The following SLC4A11 variants were observed in gnomAD, a reference collection of about 807,000 sequenced individuals.
SLC4A11 encodes solute carrier family 4 member 11.
SLC4A11 carries 74 observed loss-of-function variants against 95.0 expected under a neutral mutation model. The observed-to-expected ratio is 0.78, with a 90% CI of 0.65 to 0.95. The LOEUF (loss-of-function observed/expected upper bound fraction) is 0.95, where lower values mean the gene tolerates loss of function less well. SLC4A11 is among the 40% of genes least tolerant of loss of function. The probability of loss-of-function intolerance (pLI) is 0.00; values close to 1 mark genes in which losing one functional copy is unlikely to be tolerated. For synonymous variants in SLC4A11, 548 were observed against 519.0 expected, an observed-to-expected ratio of 1.06 and a Z score of -0.76; for missense variants, 1,081 against 1,192.4, an observed-to-expected ratio of 0.91 and a Z score of 1.38.
chr20:3,231,242 G>T lies in SLC4A11; in HGVS notation c.949C>A (p.Pro317Thr), dbSNP rs546282306. Residue 317 changes from proline (P) to threonine (T), a missense_variant and splice_region_variant, in exon 9 of 20, where the codon CCC becomes ACC. This residue lies in a region of SLC4A11 where 767 missense variants were observed against 858.0 expected (regional missense o/e 0.89). Coordinates refer to ENST00000642402, the MANE Select transcript of SLC4A11 (RefSeq NM_001174089.2). The surrounding 1 kb of genome is among the most constrained non-coding windows in gnomAD (Gnocchi z 5.2). ...GGGACAAAGTCCTTGCACTTTGGGGGCTGGAGGAGAGGACAGAGCGCCTGT... is the reference window on the plus strand; with the variant it reads ...GGGACAAAGTCCTTGCACTTTGGGGTCTGGAGGAGAGGACAGAGCGCCTGT... Reference protein sequence around the residue: ...VSLPAHRHPEPPKCKDFVPFG... With the variant: ...VSLPAHRHPETPKCKDFVPFG... The T allele has an allele frequency of 1.9e-6, 3 of 1,613,800 alleles. No homozygotes were observed. Among genetic ancestry groups the T allele is most frequent in the Non-Finnish European group, 2.5e-6 (3 of 1,180,022 alleles).
At chr20:3,238,864 G>A (rs1459990687) in intron 1 of SLC4A11, 3 of 1,221,384 alleles carry the variant, frequency 2.5e-6, no homozygotes, top group African/African-American at 1.6e-5. Context: ...AATTCAAGAC[G>A]GCGACAGCAG....
intron 2 of SLC4A11, among the ~76,000 whole-genome samples, chr20:3,236,446 G>A (rs1250823269): frequency 5.3e-5 from 8 of 152,114 alleles, no homozygotes; most frequent in Admixed American, 3.3e-4. Flanking sequence ...GAAATTAGCC[G>A]GGTGTGGTGG....
In SLC4A11 at chr20:3,231,721, C is replaced by G. The variant is rs142264530; in HGVS notation, c.730-173G>C. Reference sequence around the variant, plus strand: ...CAGGCTGAGTGCAGTGGCACACTCACGGCTTATCGTAGCCTCGACCTCCCG... The same window carrying G: ...CAGGCTGAGTGCAGTGGCACACTCAGGGCTTATCGTAGCCTCGACCTCCCG... On this transcript the variant is annotated intron_variant, in intron 7 of 19. Transcript: ENST00000642402. This position sits in a 1 kb window ranked among gnomAD's most constrained non-coding sequence, Gnocchi z 5.2. 6.6e-6 allele frequency among the ~76,000 whole-genome samples: 1 copy of G among 152,182 alleles called. No homozygotes were observed. Among genetic ancestry groups the G allele is most frequent in the South Asian group, 2.1e-4 (1 of 4,830 alleles).
In SLC4A11 at chr20:3,231,084, G is replaced by A. The variant is rs769196943; in HGVS notation, c.1043-26C>T. ...CTAGGAATGGGGGATGGGAGAGAGG[G>A]TTTGCTGGGGATGCAGGACAGGCAC... On this transcript the variant is annotated intron_variant, in intron 9 of 19. Coordinates refer to ENST00000642402, the MANE Select transcript of SLC4A11 (RefSeq NM_001174089.2). This position sits in a 1 kb window ranked among gnomAD's most constrained non-coding sequence, Gnocchi z 5.2. 1.2e-5 allele frequency: 19 copies of A among 1,613,688 alleles called. No homozygotes were observed. Among genetic ancestry groups the A allele is most frequent in the Non-Finnish European group, 1.6e-5 (19 of 1,180,002 alleles).
rs914870481 is a variant in SLC4A11 at position 3,231,782 on chromosome 20, A to G, written c.730-234T>C. Among the ~76,000 whole-genome samples, 2 of 152,172 alleles carry G rather than the reference A, an allele frequency of 1.3e-5. No individual in the cohort carries two copies. The highest frequency in any genetic ancestry group is 2.9e-5 in the Non-Finnish European group (2 of 68,034). ...ATTCTCCCACATCAGTCCCCTGAGTAGCTGGGACCACAGGCACGCACCACC... is the reference window on the plus strand; with the variant it reads ...ATTCTCCCACATCAGTCCCCTGAGTGGCTGGGACCACAGGCACGCACCACC... On this transcript the variant is annotated intron_variant, in intron 7 of 19. Transcript: ENST00000642402. This position sits in a 1 kb window ranked among gnomAD's most constrained non-coding sequence, Gnocchi z 5.2.
chr20:3,231,112 G>T lies in SLC4A11; in HGVS notation c.1042+37C>A. On this transcript the variant is annotated intron_variant, in intron 9 of 19. Transcript: ENST00000642402. This position sits in a 1 kb window ranked among gnomAD's most constrained non-coding sequence, Gnocchi z 5.2. ...TGCTGGGGATGCAGGACAGGCACAC[G>T]TGTGGGCCCAAGGCCTGGAAAGCAG... 6.2e-7 allele frequency: 1 copy of T among 1,614,156 alleles called. No homozygotes were observed. The highest frequency in any genetic ancestry group is 8.5e-7 in the Non-Finnish European group (1 of 1,180,028).
rs749570100 is a variant in SLC4A11 at position 3,231,563 on chromosome 20, TG to T, written c.730-16del. On this transcript the variant is annotated splice_polypyrimidine_tract_variant and intron_variant, in intron 7 of 19. Transcript: ENST00000642402. This position sits in a 1 kb window ranked among gnomAD's most constrained non-coding sequence, Gnocchi z 5.2. ...TTAGTGCTTTTCTAGGGGTGGAGGA[TG>T]GGAGTCACCCCTAGAAACAGAGGAG... is the stretch of plus-strand genomic sequence containing the variant. The T allele has an allele frequency of 1.2e-6, 2 of 1,602,230 alleles. No individual in the cohort carries two copies. The highest frequency in any genetic ancestry group is 4.5e-5 in the East Asian group (2 of 44,354).
chr20:3,227,949 G>A, intron 19 of SLC4A11, 93 bp from the exon 20 acceptor site: 1 of 894,890 alleles, frequency 1.1e-6, no homozygotes, highest in Non-Finnish European at 1.5e-6. Flanking sequence ...CACAGGGCCA[G>A]GCTAGGCCTC....
chr20:3,237,820 G>C, intron 1 of SLC4A11: 1 of 1,569,974 alleles, frequency 6.4e-7, no homozygotes, highest in Admixed American at 1.9e-5. Context: ...TCTGCTAGGG[G>C]CTGCCCAGGC....
At position 3,234,546 on chromosome 20, in the gene SLC4A11, A is replaced by C; in HGVS notation, c.291+22T>G. ...GCCCCCAGGTAGAGGCCCCAGGACCACCTGCAGGACAGGCCATTCACCTTT... is the reference window on the plus strand; with the variant it reads ...GCCCCCAGGTAGAGGCCCCAGGACCCCCTGCAGGACAGGCCATTCACCTTT... On this transcript the variant is annotated intron_variant, in intron 4 of 19. Transcript: ENST00000642402. The surrounding 1 kb of genome is among the most constrained non-coding windows in gnomAD (Gnocchi z 5.8). 1 of 1,613,646 alleles carries C rather than the reference A, an allele frequency of 6.2e-7. No homozygotes were observed. Among genetic ancestry groups the C allele is most frequent in the Non-Finnish European group, 8.5e-7 (1 of 1,179,986 alleles).
At chr20:3,232,452 C>A (rs1210787991) in intron 7 of SLC4A11, among the ~76,000 whole-genome samples, 1 of 152,244 alleles carries the variant, frequency 6.6e-6, no homozygotes, top group East Asian at 1.9e-4. Flanking sequence ...ATAATACCAA[C>A]TTTTTTGGGA....
rs569054155 is a variant in SLC4A11, at chr20:3,238,047, G to A, written c.44-459C>T. ...TCTTCTCACTCTCAGACCGGTCCTGGGGGCCATAAACGCCCATTGCAGGCG... is the reference window on the plus strand; with the variant it reads ...TCTTCTCACTCTCAGACCGGTCCTGAGGGCCATAAACGCCCATTGCAGGCG... On this transcript the variant is annotated intron_variant, in intron 1 of 19. Transcript: ENST00000642402. 9.3e-5 allele frequency: 140 copies of A among 1,501,624 alleles called. 1 individual carries two copies. In the African/African-American group the frequency reaches 1.8e-3, roughly 19 times the overall value. The allele number at this position is 1,501,624 out of a possible 1,614,324, so 93.0% of individuals were successfully genotyped here.
Position 3,239,170 on chromosome 20 carries a change from A to T in SLC4A11, c.-33T>A. 1.4e-6 allele frequency: 2 copies of T among 1,434,834 alleles called. No homozygotes were observed. The highest frequency in any genetic ancestry group is 1.8e-6 in the Non-Finnish European group (2 of 1,094,700). 88.9% of individuals were successfully genotyped at this position (1,434,834 alleles called of 1,614,324 possible). A position where few individuals can be genotyped will look rare whatever the true frequency, so the allele number is the denominator to read the frequency against. The stretch of plus-strand genomic sequence containing the variant: ...TCGCGCACTCACGGCCGGGCTCCTC[A>T]CGCGGCGCTCCGGCGCTTCTGGACC... On this transcript the variant is annotated 5_prime_UTR_variant, in exon 1 of 20. Transcript: ENST00000642402.
At position 3,234,771 on chromosome 20, in the gene SLC4A11, A is replaced by C. The variant is rs776714290; in HGVS notation, c.212T>G (p.Val71Gly). The change falls in exon 3 of 20, where the codon GTC becomes GGC. Residue 71 changes from valine to glycine, a missense_variant. This residue lies in a region of SLC4A11 where 310 missense variants were observed against 313.5 expected (regional missense o/e 0.99). Transcript: ENST00000642402. This position sits in a 1 kb window ranked among gnomAD's most constrained non-coding sequence, Gnocchi z 5.8. ...SGESIRFFVNVNLEMQATNTE... is the reference protein window; with the variant it reads ...SGESIRFFVNGNLEMQATNTE... The stretch of plus-strand genomic sequence containing the variant: ...GTTGGTGGCCTGCATCTCAAGGTTG[A>C]CATTGACAAAAAAACGGATACTCTC... 8 of 1,613,970 alleles carry C rather than the reference A, an allele frequency of 5.0e-6. No individual in the cohort carries two copies. Among genetic ancestry groups the C allele is most frequent in the Non-Finnish European group, 6.8e-6 (8 of 1,180,018 alleles).
intron 1 of SLC4A11, 145 bp from the exon 2 acceptor site, chr20:3,237,733 C>G: frequency 6.2e-7 from 1 of 1,613,804 alleles, no homozygotes; most frequent in Non-Finnish European, 8.5e-7. Context: ...GAAAGGGAAG[C>G]AGGGGACAGT....
At position 3,230,364 on chromosome 20, in the gene SLC4A11, A is replaced by G. The variant is rs2067715625; in HGVS notation, c.1416-104T>C. 14 of 1,575,350 alleles carry G rather than the reference A, an allele frequency of 8.9e-6. No individual in the cohort carries two copies. In the East Asian group the frequency reaches 3.1e-4, roughly 35 times the overall value. On this transcript the variant is annotated intron_variant, in intron 12 of 19. Coordinates refer to ENST00000642402, the MANE Select transcript of SLC4A11 (RefSeq NM_001174089.2). ...AGTCCCCTGCCTCCCCCTGCCAGGA[A>G]GAAGGCCAGGGCCCCAGGCCTTGCC... is the stretch of plus-strand genomic sequence containing the variant.
chr20:3,230,332 C>T (rs1328106989), intron 12 of SLC4A11, 72 bp from the exon 13 acceptor site: 11 of 1,587,214 alleles, frequency 6.9e-6, no homozygotes, highest in Middle Eastern at 1.7e-4. Flanking sequence ...TCCCTGAGCC[C>T]CTGCACAGTC....
Position 3,234,941 on chromosome 20 carries a change from C to T in SLC4A11, c.89-47G>A. 6.2e-7 allele frequency: 1 copy of T among 1,612,510 alleles called. No homozygotes were observed. ...AGGGCCTGGCTGTTAAAGTGCCACA[C>T]ACAGGAAGGAGGGGCTCCAAGCCCA... On this transcript the variant is annotated intron_variant, in intron 2 of 19. Coordinates refer to ENST00000642402, the MANE Select transcript of SLC4A11 (RefSeq NM_001174089.2). This position sits in a 1 kb window ranked among gnomAD's most constrained non-coding sequence, Gnocchi z 5.8.
In SLC4A11 at chr20:3,228,987, G is replaced by A. The variant is rs2122510584; in HGVS notation, c.2043C>T (p.His681=). 6 of 1,613,602 alleles carry A rather than the reference G, an allele frequency of 3.7e-6. No homozygotes were observed. Among genetic ancestry groups the A allele is most frequent in the Non-Finnish European group, 5.1e-6 (6 of 1,180,006 alleles). Reference sequence around the variant, plus strand: ...TGATGGCGAGGAGCAGGAGGTCCCAGTGGTAGGCAGTGCCCTTCACCAGCC... The same window carrying A: ...TGATGGCGAGGAGCAGGAGGTCCCAATGGTAGGCAGTGCCCTTCACCAGCC... The part of the protein sequence containing the change: ...ENRLVKGTAY[H]WDLLLLAIIN... Residue 681 remains histidine, a synonymous_variant, in exon 17 of 20, where the codon CAC becomes CAT. Coordinates refer to ENST00000642402, the MANE Select transcript of SLC4A11 (RefSeq NM_001174089.2).
Sources: gnomAD v4.1 joint callset for allele counts (sites outside exome capture counted in the v4.1 genomes callset) on GRCh38, gnomAD v4.1.1 for gene constraint, gnomAD v4.1.1 regional missense constraint, Gnocchi (gnomAD v3.1) non-coding constraint, MANE v1.5 for transcripts, NCBI Gene and HGNC (gene_info 2026-07-23, HGNC 2026-07-21) for gene names.